INO80: variants seen among roughly 807,000 people sequenced by gnomAD.
The protein encoded by INO80 is chromatin-remodeling ATPase INO80.
INO80 carries 20 observed loss-of-function variants against 203.4 expected under a neutral mutation model. That is an observed-to-expected ratio of 0.10 (90% confidence interval 0.07 to 0.14). The LOEUF is 0.14. Ranked by LOEUF, INO80 falls within the 10% of genes least tolerant of loss-of-function variation. The probability of loss-of-function intolerance (pLI) is 1.00; values close to 1 mark genes in which losing one functional copy is unlikely to be tolerated. For synonymous variants in INO80, 726 were observed against 685.2 expected (o/e 1.06, Z -0.93); for missense variants, 1,419 against 1,914.4 (o/e 0.74, Z 4.83).
chr15:41,072,593 C>T (rs543419548), intron 11 of INO80, among the ~76,000 whole-genome samples: 11 of 147,282 alleles, frequency 7.5e-5, no homozygotes, highest in Non-Finnish European at 1.3e-4. Flanking sequence ...GTGGTGCGCA[C>T]CTGTAGTCCC....
At chr15:41,036,178 A>C (rs8035660) in intron 24 of INO80, among the ~76,000 whole-genome samples, 3 of 150,314 alleles carry the variant, frequency 2.0e-5, no homozygotes, top group African/African-American at 4.9e-5. Flanking sequence ...AAAAAAAAAA[A>C]AAAAAAACCC....
intron 26 of INO80, chr15:41,018,636 T>C (rs1019211371): frequency 2.6e-5 from 4 of 152,250 alleles, no homozygotes; most frequent in African/African-American, 9.6e-5. Flanking sequence ...CTGGTGAGCA[T>C]GGAGAAAATC....
chr15:41,024,233 A>G (rs2044341480), intron 25 of INO80, among the ~76,000 whole-genome samples: 1 of 152,186 alleles, frequency 6.6e-6, no homozygotes, highest in South Asian at 2.1e-4. Flanking sequence ...CAGGATCAAG[A>G]TATTAATATA....
At chr15:41,053,056 TGA>T (rs2044910974) in intron 19 of INO80, among the ~76,000 whole-genome samples, 1 of 151,894 alleles carries the variant, frequency 6.6e-6, no homozygotes, top group East Asian at 1.9e-4. Flanking sequence ...AACCAGATGC[TGA>T]GAGACAGACC....
rs529693957 is a variant in INO80 at position 41,082,142 on chromosome 15, C to T, written c.874-1069G>A. On this transcript the variant is annotated intron_variant, in intron 7 of 35. Transcript: ENST00000648947. ...GCACATGCCTGTAATCCTAGCTACT[C>T]GGGAGGCTGAAGCAGGAGAATCACT... Among the ~76,000 whole-genome samples the T allele has an allele frequency of 9.0e-4, 134 of 149,384 alleles. 4 individuals carry two copies. The South Asian group carries it at 0.023, about 25-fold the overall frequency.
chr15:41,064,276 T>C (rs187542706), intron 14 of INO80, among the ~76,000 whole-genome samples: 23 of 152,340 alleles, frequency 1.5e-4, no homozygotes, highest in African/African-American at 4.6e-4. Flanking sequence ...TTTCAAAGTA[T>C]TAAAGTCATA....
intron 23 of INO80, among the ~76,000 whole-genome samples, chr15:41,045,955 A>T (rs952151300): frequency 1.3e-5 from 2 of 151,810 alleles, no homozygotes; most frequent in Non-Finnish European, 2.9e-5. Flanking sequence ...TGATTACATA[A>T]ATCAAAAGTA....
chr15:41,033,195 A>G (rs541186090), intron 24 of INO80, among the ~76,000 whole-genome samples: 3 of 152,306 alleles, frequency 2.0e-5, no homozygotes, highest in African/African-American at 7.2e-5. Context: ...TTTTAACATG[A>G]CATTTAATTG....
At chr15:41,013,466 A>AAC (rs2044160322) in intron 27 of INO80, among the ~76,000 whole-genome samples, 8 of 152,176 alleles carry the variant, frequency 5.3e-5, no homozygotes, top group Admixed American at 5.2e-4. Context: ...AAGTGACTGA[A>AAC]AAACACTCTT....
At chr15:41,094,184 G>C (rs1434233966) in intron 4 of INO80, among the ~76,000 whole-genome samples, 2 of 152,166 alleles carry the variant, frequency 1.3e-5, no homozygotes, top group African/African-American at 4.8e-5. Flanking sequence ...CTCTCTGCTT[G>C]TAAACACTCC....
chr15:41,025,157 C>T (rs964498949), intron 25 of INO80, among the ~76,000 whole-genome samples: 1 of 152,170 alleles, frequency 6.6e-6, no homozygotes, highest in African/African-American at 2.4e-5. Flanking sequence ...ATGTTCACAG[C>T]AATTAGAGTT....
chr15:41,035,994 A>C (rs1171322757), intron 24 of INO80, among the ~76,000 whole-genome samples: 3 of 149,998 alleles, frequency 2.0e-5, no homozygotes, highest in Non-Finnish European at 3.0e-5. Flanking sequence ...CAAAACAAAA[A>C]AACCCATAAA....
At chr15:41,105,685 T>C (rs192869900) in intron 1 of INO80, among the ~76,000 whole-genome samples, 81 of 152,328 alleles carry the variant, frequency 5.3e-4, no homozygotes, top group African/African-American at 1.9e-3. Context: ...TTTATATCAA[T>C]ATAAAACTTT....
chr15:41,101,033 T>A (rs974147219), intron 1 of INO80, among the ~76,000 whole-genome samples: 10 of 152,006 alleles, frequency 6.6e-5, no homozygotes, highest in Non-Finnish European at 1.3e-4. Context: ...TTTTACCATG[T>A]TGGCCAGGCT....
chr15:41,004,082 A>G (rs548258779), intron 28 of INO80, among the ~76,000 whole-genome samples: 11 of 152,244 alleles, frequency 7.2e-5, no homozygotes, highest in Non-Finnish European at 1.2e-4. Context: ...ATGTGGTGGA[A>G]TAAGGAGGCA....
rs2140410679 is a variant in INO80, at chr15:40,985,347, A to G, written c.3912T>C (p.Tyr1304=). The G allele has an allele frequency of 1.9e-6, 3 of 1,613,704 alleles. No homozygotes were observed. Among genetic ancestry groups the G allele is most frequent in the Non-Finnish European group, 2.5e-6 (3 of 1,179,650 alleles). Residue 1304 remains tyrosine, a synonymous_variant, in exon 32 of 36, where the codon TAT becomes TAC. Coordinates refer to ENST00000648947, the MANE Select transcript of INO80 (RefSeq NM_017553.3). ...TCCAGGCTGGAAATACCTTCTCTGC[A>G]TACTTTTCCCGCTTCCGCTTGCGCT... ...VKERKRKREK[Y]AEKKKKEDEL... is the part of the protein sequence containing the mutation.
chr15:41,045,769 T>C (rs1050218547), intron 23 of INO80, among the ~76,000 whole-genome samples: 1 of 148,406 alleles, frequency 6.7e-6, no homozygotes, highest in Non-Finnish European at 1.5e-5. Flanking sequence ...GGCGTGGTTG[T>C]GCACGCCTGT....
At chr15:40,996,490 T>G (rs549959495) in intron 29 of INO80, among the ~76,000 whole-genome samples, 6 of 150,262 alleles carry the variant, frequency 4.0e-5, no homozygotes, top group Admixed American at 2.0e-4. Flanking sequence ...CCCGGCTATT[T>G]TTTTTGTTTT....
chr15:41,100,310 G>A (rs564641536), intron 1 of INO80, among the ~76,000 whole-genome samples: 16 of 152,178 alleles, frequency 1.1e-4, no homozygotes, highest in Non-Finnish European at 1.9e-4. Flanking sequence ...TCCTGACCTC[G>A]TGATTCGCCC....
Sources: gnomAD v4.1 joint callset for allele counts (sites outside exome capture counted in the v4.1 genomes callset) on GRCh38, gnomAD v4.1.1 for gene constraint, MANE v1.5 for transcripts, NCBI Gene and HGNC (gene_info 2026-07-23, HGNC 2026-07-21) for gene names.